The following SBNO1 variants were observed in gnomAD, a reference collection of about 807,000 sequenced individuals.
SBNO1 encodes the protein strawberry notch homolog 1.
SBNO1 carries 23 observed loss-of-function variants against 173.6 expected under a neutral mutation model. That is an observed-to-expected ratio of 0.13 (90% CI 0.10 to 0.19). The LOEUF is 0.19. Among genes scored for constraint, SBNO1 ranks in the 10% least tolerant of loss-of-function variants. The pLI, the probability that SBNO1 is intolerant of heterozygous loss-of-function variation, is 1.00. For synonymous variants in SBNO1, 632 were observed against 571.5 expected (o/e 1.11, Z -1.51); for missense variants, 1,238 against 1,671.2 (o/e 0.74, Z 4.52).
chr12:123,334,274 C>T lies in SBNO1; in HGVS notation c.749-61G>A. The T allele has an allele frequency of 4.2e-6, 4 of 963,456 alleles. No homozygotes were observed. The South Asian group carries it at 6.9e-5, about 17-fold the overall frequency. 59.7% of individuals were successfully genotyped at this position (963,456 alleles called of 1,614,324 possible). On this transcript the variant is annotated intron_variant, in intron 6 of 31. Transcript: ENST00000602398. ...TTCTAAGTAATAACATTTCCAGTTT[C>T]ATTATAAGATATTTCAATGTTTTTC...
chr12:123,301,716 AT>A (rs939282080), intron 30 of SBNO1, among the ~76,000 whole-genome samples: 3 of 152,160 alleles, frequency 2.0e-5, no homozygotes, highest in Non-Finnish European at 4.4e-5. Context: ...TTTCTTAGAC[AT>A]TCCCTAGATC....
At chr12:123,305,717 C>T (rs1331674408) in intron 28 of SBNO1, among the ~76,000 whole-genome samples, 2 of 152,098 alleles carry the variant, frequency 1.3e-5, no homozygotes, top group African/African-American at 4.8e-5. Flanking sequence ...AGGTGATCCA[C>T]CCGCCCCGGC....
At chr12:123,305,796 A>C (rs935836706) in intron 28 of SBNO1, among the ~76,000 whole-genome samples, 1 of 152,118 alleles carries the variant, frequency 6.6e-6, no homozygotes, top group African/African-American at 2.4e-5. Flanking sequence ...TTAAAGTTGG[A>C]TTTATGAGAA....
chr12:123,355,466 T>G (rs1389810151), intron 1 of SBNO1, among the ~76,000 whole-genome samples: 1 of 151,956 alleles, frequency 6.6e-6, no homozygotes, highest in Non-Finnish European at 1.5e-5. Context: ...TAGCCAGGTG[T>G]GGTGGCGGGC....
chr12:123,333,010 G>A (rs1234719864), intron 7 of SBNO1, among the ~76,000 whole-genome samples: 4 of 152,024 alleles, frequency 2.6e-5, no homozygotes, highest in Non-Finnish European at 2.9e-5. Context: ...TGTAGTCCCA[G>A]CTACTCGGGA....
chr12:123,316,226 CA>C (rs1263627846), intron 21 of SBNO1, among the ~76,000 whole-genome samples: 3 of 151,998 alleles, frequency 2.0e-5, no homozygotes, highest in Non-Finnish European at 4.4e-5. Flanking sequence ...AGACATTAAA[CA>C]GGATTTTTTT....
chr12:123,327,548 C>T lies in SBNO1; in HGVS notation c.1570G>A (p.Asp524Asn). ...GVGAMEIVAMDMKLRGMYIAR... is the reference protein window; with the variant it reads ...GVGAMEIVAMNMKLRGMYIAR... Reference sequence around the variant, plus strand: ...ATGTACATTCCTCTAAGCTTCATATCCATAGCAACTATTTCCATGGCACCA... The same window carrying T: ...ATGTACATTCCTCTAAGCTTCATATTCATAGCAACTATTTCCATGGCACCA... Residue 524 changes from aspartate (D) to asparagine (N), a missense_variant, in exon 13 of 32, where the codon GAT (aspartate) becomes AAT (asparagine). This residue lies in a region of SBNO1 where 182 missense variants were observed against 339.9 expected (regional missense o/e 0.54). Coordinates refer to ENST00000602398, the MANE Select transcript of SBNO1 (RefSeq NM_001167856.3). 6.2e-7 allele frequency: 1 copy of T among 1,613,768 alleles called. No homozygotes were observed. Among genetic ancestry groups the T allele is most frequent in the Non-Finnish European group, 8.5e-7 (1 of 1,179,808 alleles).
At chr12:123,321,169 C>A (rs1869926090) in intron 17 of SBNO1, among the ~76,000 whole-genome samples, 1 of 152,122 alleles carries the variant, frequency 6.6e-6, no homozygotes, top group Non-Finnish European at 1.5e-5. Context: ...GAACTCCCAG[C>A]CTCAGGTGAT....
At chr12:123,355,938 G>C (rs1481381863) in intron 1 of SBNO1, among the ~76,000 whole-genome samples, 1 of 152,148 alleles carries the variant, frequency 6.6e-6, no homozygotes, top group African/African-American at 2.4e-5. Flanking sequence ...AGAAACAATA[G>C]CCAACCAGAA....
chr12:123,313,277 T>TA (rs989572020), intron 24 of SBNO1, among the ~76,000 whole-genome samples: 139 of 149,194 alleles, frequency 9.3e-4, no homozygotes, highest in African/African-American at 1.7e-3. Context: ...GACTCGGTCT[T>TA]AAAAAAAATA....
rs1209135172 is a variant in SBNO1 at position 123,289,962 on chromosome 12, C to T, written c.*5946G>A. ...GGGCAGGGTACTGGTTAGGGGCCCG[C>T]AGTGGAAAAGCCAGACAGGTTCTCA... On this transcript the variant is annotated 3_prime_UTR_variant, in exon 32 of 32. Transcript: ENST00000602398. The T allele has an allele frequency of 6.6e-6, 1 of 152,282 alleles. No homozygotes were observed. Among genetic ancestry groups the T allele is most frequent in the Non-Finnish European group, 1.5e-5 (1 of 68,066 alleles). The allele number at this position is 152,282 out of a possible 1,614,324, so 9.4% of individuals were successfully genotyped here.
intron 6 of SBNO1, 112 bp from the exon 7 acceptor site, chr12:123,334,325 A>C: frequency 1.4e-6 from 1 of 694,532 alleles, no homozygotes; most frequent in Non-Finnish European, 2.4e-6. Context: ...ATAATTAAAA[A>C]GTATTCACTC....
intron 24 of SBNO1, among the ~76,000 whole-genome samples, chr12:123,312,711 GA>G (rs63654462): frequency 0.057 from 6,974 of 121,726 alleles, 280 homozygotes; most frequent in East Asian, 0.28. Context: ...ACCCCGTCTC[GA>G]AAAAAAAAAA....
Position 123,323,740 on chromosome 12 carries a change from T to A in SBNO1, c.2065A>T (p.Ser689Cys), listed in dbSNP as rs1282392409. 1 of 1,613,094 alleles carries A rather than the reference T, an allele frequency of 6.2e-7. No individual in the cohort carries two copies. The highest frequency in any genetic ancestry group is 8.5e-7 in the Non-Finnish European group (1 of 1,179,646). Residue 689 changes from serine to cysteine, a missense_variant, in exon 16 of 32, where the codon AGT becomes TGT. Transcript: ENST00000602398. ...CTATCTCTTGGCGAACTGTTGTTAC[T>A]TGGAGCTGTCAAATCGATTCCTAGT... ...SLLGIDLTAP[S>C]NNSSPRDSPC... is the part of the protein sequence containing the mutation.
At chr12:123,336,761 T>G (rs573812932) in intron 5 of SBNO1, among the ~76,000 whole-genome samples, 1 of 152,290 alleles carries the variant, frequency 6.6e-6, no homozygotes, top group African/African-American at 2.4e-5. Context: ...TCAAGCTACT[T>G]TCCCCTTCAA....
intron 6 of SBNO1, 71 bp downstream of exon 6, chr12:123,336,320 AAAAC>A: frequency 1.0e-6 from 1 of 988,232 alleles, no homozygotes; most frequent in Non-Finnish European, 1.5e-6. Flanking sequence ...TATATGGAAA[AAAAC>A]AAAACAAAAA....
Position 123,309,621 on chromosome 12 carries a change from AC to A in SBNO1, c.3443-39del, listed in dbSNP as rs1461923811. ...AAAGAAACATGTAAATGTAAAAAGAACATTTTTATCAGGTACACACGTTTAA... is the reference window on the plus strand; with the variant it reads ...AAAGAAACATGTAAATGTAAAAAGAAATTTTTATCAGGTACACACGTTTAA... On this transcript the variant is annotated intron_variant, in intron 26 of 31. Transcript: ENST00000602398. 3 of 1,602,676 alleles carry A rather than the reference AC, an allele frequency of 1.9e-6. No homozygotes were observed. In the Admixed American group the frequency reaches 5.0e-5, roughly 27 times the overall value.
At chr12:123,313,851 G>A (rs1356428980) in intron 23 of SBNO1, 132 bp from the exon 24 acceptor site, 3 of 527,450 alleles carry the variant, frequency 5.7e-6, no homozygotes, top group Non-Finnish European at 1.0e-5. Context: ...CACTTTGGGA[G>A]GTCGAGGTGG....
At chr12:123,353,932 T>C (rs1874151925) in intron 1 of SBNO1, among the ~76,000 whole-genome samples, 1 of 152,188 alleles carries the variant, frequency 6.6e-6, no homozygotes, top group South Asian at 2.1e-4. Flanking sequence ...ACAGAGCCCC[T>C]GCAGGCCACA....
Sources: allele counts gnomAD v4.1 joint callset (sites outside exome capture counted in the v4.1 genomes callset), GRCh38; gene constraint gnomAD v4.1.1; regional missense constraint gnomAD v4.1.1; transcripts MANE v1.5; gene names NCBI Gene and HGNC (gene_info 2026-07-23, HGNC 2026-07-21).